XKR9: variants seen among roughly 807,000 people sequenced by gnomAD.
XKR9 encodes the protein XK-related protein 9.
A neutral mutation model predicts 32.0 loss-of-function variants in XKR9; 32 were observed. The ratio of observed to expected loss-of-function variants is 1.00; its 90% CI spans 0.76 to 1.34. XKR9 has a LOEUF of 1.34. Among genes scored for constraint, XKR9 ranks in the 40% most tolerant of loss-of-function variants. The pLI, the probability that XKR9 is intolerant of heterozygous loss-of-function variation, is 0.00. For synonymous variants in XKR9, 168 were observed against 143.4 expected, an observed-to-expected ratio of 1.17 and a Z score of -1.22; for missense variants, 546 against 429.7, an observed-to-expected ratio of 1.27 and a Z score of -2.39.
At chr8:70,913,306 CA>C in the XKR9 span, among the ~76,000 whole-genome samples, 5 of 151,730 alleles carry the variant, frequency 3.3e-5, no homozygotes, top group Non-Finnish European at 7.4e-5. Flanking sequence ...GTTAGAAAAG[CA>C]AAGAAAAAGC....
chr8:70,887,594 AT>A, the XKR9 span, among the ~76,000 whole-genome samples: 2 of 151,756 alleles, frequency 1.3e-5, no homozygotes, highest in African/African-American at 2.4e-5. Context: ...GTCCTCTTTT[AT>A]TTCGTTGAGC....
chr8:70,923,311 T>A, the XKR9 span, among the ~76,000 whole-genome samples: 1 of 152,270 alleles, frequency 6.6e-6, no homozygotes, highest in Non-Finnish European at 1.5e-5. Context: ...ACAGTGACAC[T>A]TGGCCCTTGC....
chr8:71,028,309 A>C, the XKR9 span, among the ~76,000 whole-genome samples: 1 of 151,946 alleles, frequency 6.6e-6, no homozygotes, highest in Non-Finnish European at 1.5e-5. Context: ...TAAGTATTTT[A>C]TTTTTTTGTT....
chr8:70,893,388 G>C, the XKR9 span, among the ~76,000 whole-genome samples: 10 of 152,112 alleles, frequency 6.6e-5, no homozygotes, highest in South Asian at 2.1e-3. Context: ...TGTTCCTCTG[G>C]TGCTGTCATA....
intron 4 of XKR9, among the ~76,000 whole-genome samples, chr8:70,710,703 C>G (rs1805884568): frequency 9.0e-6 from 1 of 110,914 alleles, no homozygotes; most frequent in African/African-American, 2.9e-5. Context: ...GACTCCATCT[C>G]AAACAACAAC....
intron 4 of XKR9, among the ~76,000 whole-genome samples, chr8:70,729,062 G>A (rs1806575771): frequency 6.6e-6 from 1 of 152,124 alleles, no homozygotes; most frequent in African/African-American, 2.4e-5. Context: ...GATTTCCCAA[G>A]GGGCTGTTAT....
At chr8:70,688,644 C>G (rs1819395417) in intron 3 of XKR9, among the ~76,000 whole-genome samples, 1 of 151,698 alleles carries the variant, frequency 6.6e-6, no homozygotes, top group Non-Finnish European at 1.5e-5. Flanking sequence ...TCTTGATCTC[C>G]TGACCTCGTG....
the XKR9 span, among the ~76,000 whole-genome samples, chr8:70,822,379 T>C: frequency 9.2e-5 from 14 of 152,090 alleles, no homozygotes; most frequent in African/African-American, 3.4e-4. Flanking sequence ...GTCGAAATAA[T>C]TTCAGATAGT....
chr8:70,865,376 T>TA, the XKR9 span, among the ~76,000 whole-genome samples: 1 of 152,016 alleles, frequency 6.6e-6, no homozygotes, highest in Non-Finnish European at 1.5e-5. Flanking sequence ...ATAATGTTTT[T>TA]AAAATCTAAT....
chr8:70,822,975 A>G, the XKR9 span, among the ~76,000 whole-genome samples: 1,038 of 152,352 alleles, frequency 6.8e-3, 8 homozygotes, highest in South Asian at 0.021. Flanking sequence ...TCCATTTGAT[A>G]TTAATAATAA....
chr8:71,032,958 C>T, the XKR9 span, among the ~76,000 whole-genome samples: 2 of 152,090 alleles, frequency 1.3e-5, no homozygotes, highest in Non-Finnish European at 1.5e-5. Flanking sequence ...GTGGTGGGCA[C>T]CTGTAATCCC....
chr8:71,047,881 C>T, the XKR9 span, among the ~76,000 whole-genome samples: 1 of 152,216 alleles, frequency 6.6e-6, no homozygotes, highest in South Asian at 2.1e-4. Context: ...AATGGCCAAA[C>T]TACCTCTGCA....
the XKR9 span, among the ~76,000 whole-genome samples, chr8:70,845,010 C>T: frequency 6.6e-6 from 1 of 152,156 alleles, no homozygotes; most frequent in South Asian, 2.1e-4. Context: ...ATACTGATGC[C>T]CACGTATGCT....
At chr8:70,731,373 C>A (rs1021499797) in intron 4 of XKR9, among the ~76,000 whole-genome samples, 2 of 151,838 alleles carry the variant, frequency 1.3e-5, no homozygotes, top group African/African-American at 4.8e-5. Context: ...TTCTCTGCAG[C>A]TTCCAGAAGA....
intron 2 of XKR9, among the ~76,000 whole-genome samples, chr8:70,741,738 A>G (rs1341828655): frequency 1.3e-5 from 2 of 152,148 alleles, no homozygotes; most frequent in Non-Finnish European, 2.9e-5. Flanking sequence ...TACTTCTTTG[A>G]GATTCTGCTT....
In XKR9 at chr8:70,697,109, T is replaced by C. The variant is rs1161449287; in HGVS notation, c.273-9824T>C. Reference sequence around the variant, plus strand: ...CTGAGACAATGGGGTTTTCTAGATATACAATCATGTCATCTGCAAACAGGG... The same window carrying C: ...CTGAGACAATGGGGTTTTCTAGATACACAATCATGTCATCTGCAAACAGGG... On this transcript the variant is annotated intron_variant, in intron 3 of 4. Transcript: ENST00000408926. 2.0e-5 allele frequency among the ~76,000 whole-genome samples: 3 copies of C among 150,774 alleles called. No individual in the cohort carries two copies. In the East Asian group the frequency reaches 5.8e-4, roughly 29 times the overall value.
chr8:70,791,034 T>G (rs1330970660), downstream of XKR9, among the ~76,000 whole-genome samples: 5 of 152,034 alleles, frequency 3.3e-5, no homozygotes, highest in South Asian at 8.3e-4. Flanking sequence ...AGATCCTACT[T>G]CCTAACACCA....
the XKR9 span, among the ~76,000 whole-genome samples, chr8:71,004,965 G>A: frequency 6.7e-6 from 1 of 149,816 alleles, no homozygotes; most frequent in African/African-American, 2.5e-5. Context: ...CAGTAGCTAG[G>A]ACTACAGGAT....
In XKR9 at chr8:70,698,741, G is replaced by A. The variant is rs575984303; in HGVS notation, c.273-8192G>A. ...CTGAGTTCAATTCCTGGGTATCCTC[G>A]TTAACTTTCTGTCTTGTTGATCTGT... On this transcript the variant is annotated intron_variant, in intron 3 of 4. Coordinates refer to ENST00000408926, the MANE Select transcript of XKR9 (RefSeq NM_001011720.2). Among the ~76,000 whole-genome samples the A allele has an allele frequency of 9.2e-5, 14 of 152,244 alleles. 1 individual carries two copies. The highest frequency in any genetic ancestry group is 1.6e-4 in the Non-Finnish European group (11 of 68,024).
Sources: gnomAD v4.1 joint callset for allele counts (sites outside exome capture counted in the v4.1 genomes callset) on GRCh38, gnomAD v4.1.1 for gene constraint, MANE v1.5 for transcripts, NCBI Gene and HGNC (gene_info 2026-07-23, HGNC 2026-07-21) for gene names.